The following ZP3 variants were observed in gnomAD, a reference collection of about 807,000 sequenced individuals.
ZP3 encodes zona pellucida sperm-binding protein 3.
In ZP3, 21 loss-of-function variants were observed where a neutral mutation model predicts 35.6. The observed-to-expected ratio is 0.59, with a 90% CI of 0.42 to 0.85. The LOEUF is 0.85. ZP3 is among the 40% of genes least tolerant of loss of function. The pLI is 0.00. For missense variants in ZP3, 437 were observed against 536.5 expected (o/e 0.81, Z 1.83); for synonymous variants, 207 against 214.5 (o/e 0.96, Z 0.31).
intron 2 of ZP3, among the ~76,000 whole-genome samples, chr7:76,431,297 C>A (rs73363150): frequency 0.041 from 6,299 of 152,136 alleles, 389 homozygotes; most frequent in African/African-American, 0.14. Flanking sequence ...GTCCTGTGAC[C>A]GTGGAAGTCT....
upstream of ZP3, among the ~76,000 whole-genome samples, chr7:76,423,025 G>GAGAGAGAGAGAGAGAGAAAGAA (rs1278384225): frequency 1.3e-5 from 1 of 75,842 alleles, no homozygotes; most frequent in East Asian, 3.5e-4. Context: ...GAGAGAGAGA[G>GAGAGAGAGAGAGAGAGAAAGAA]AGAAAGAAAG....
chr7:76,419,726 T>TCC (rs1805461784), intron 1 of ZP3, among the ~76,000 whole-genome samples: 2 of 147,404 alleles, frequency 1.4e-5, no homozygotes, highest in South Asian at 4.5e-4. Context: ...CCTCTCCCTC[T>TCC]ATCTCTTTCT....
chr7:76,426,479 C>G (rs1394943776), intron 1 of ZP3, among the ~76,000 whole-genome samples: 1 of 152,180 alleles, frequency 6.6e-6, no homozygotes, highest in Non-Finnish European at 1.5e-5. Flanking sequence ...AGCCCTCCGG[C>G]CAGAGCTCTG....
At chr7:76,405,770 G>A (rs1413350774) in intron 1 of ZP3, among the ~76,000 whole-genome samples, 1 of 152,048 alleles carries the variant, frequency 6.6e-6, no homozygotes, top group Non-Finnish European at 1.5e-5. Context: ...GATGTGTGAA[G>A]AGGGCAAATG....
intron 1 of ZP3, among the ~76,000 whole-genome samples, chr7:76,414,001 T>C (rs1261488539): frequency 6.8e-6 from 1 of 146,770 alleles, no homozygotes; most frequent in African/African-American, 2.5e-5. Flanking sequence ...TCTTCTTCTT[T>C]TTTTTTTTTT....
At chr7:76,401,180 A>C in intron 1 of ZP3, 1 of 1,246,286 alleles carries the variant, frequency 8.0e-7, no homozygotes, top group Admixed American at 3.1e-5. Context: ...GCTTTGCCAA[A>C]GCCCCATTGT....
intron 1 of ZP3, among the ~76,000 whole-genome samples, chr7:76,401,614 G>GC (rs1325523981): frequency 6.6e-6 from 1 of 151,978 alleles, no homozygotes; most frequent in Non-Finnish European, 1.5e-5. Flanking sequence ...ATGGGGTTTC[G>GC]CCATGTTGGC....
At chr7:76,406,977 TG>T (rs1419265923) in intron 1 of ZP3, among the ~76,000 whole-genome samples, 1 of 152,110 alleles carries the variant, frequency 6.6e-6, no homozygotes, top group Non-Finnish European at 1.5e-5. Context: ...TATTTATTTT[TG>T]GAGACAGAGC....
chr7:76,427,606 C>T (rs967014920), intron 1 of ZP3, among the ~76,000 whole-genome samples: 1 of 152,012 alleles, frequency 6.6e-6, no homozygotes, highest in Non-Finnish European at 1.5e-5. Flanking sequence ...AATGGAATGC[C>T]CTCTTGCCCT....
At chr7:76,438,605 TG>T (rs952783029) in intron 5 of ZP3, among the ~76,000 whole-genome samples, 4 of 99,858 alleles carry the variant, frequency 4.0e-5, no homozygotes. Context: ...CCCTGGGTGG[TG>T]GGGGGTCTTT....
chr7:76,418,815 C>T (rs1216674990), intron 1 of ZP3, among the ~76,000 whole-genome samples: 1 of 152,136 alleles, frequency 6.6e-6, no homozygotes, highest in Non-Finnish European at 1.5e-5. Context: ...GAGATCGCGC[C>T]ACTGCACTCC....
intron 1 of ZP3, among the ~76,000 whole-genome samples, chr7:76,425,738 G>A (rs1044422701): frequency 6.6e-6 from 1 of 152,110 alleles, no homozygotes; most frequent in Non-Finnish European, 1.5e-5. Context: ...GCCAAGACTG[G>A]AGGATCACTT....
chr7:76,435,574 G>A (rs1244963048), intron 5 of ZP3, among the ~76,000 whole-genome samples: 1 of 152,262 alleles, frequency 6.6e-6, no homozygotes, highest in Non-Finnish European at 1.5e-5. Flanking sequence ...ATCATCTGGA[G>A]AGGTTGTAAA....
intron 1 of ZP3, among the ~76,000 whole-genome samples, chr7:76,426,298 CG>C (rs1315733568): frequency 6.6e-6 from 1 of 152,196 alleles, no homozygotes; most frequent in Non-Finnish European, 1.5e-5. Flanking sequence ...AGAGGCCTTA[CG>C]GCAGGGCAGG....
At chr7:76,432,296 C>T (rs899656224) in intron 2 of ZP3, among the ~76,000 whole-genome samples, 5 of 151,986 alleles carry the variant, frequency 3.3e-5, no homozygotes, top group Admixed American at 2.0e-4. Context: ...TCACGCCATT[C>T]TCCTGCCTCA....
intron 1 of ZP3, among the ~76,000 whole-genome samples, chr7:76,416,980 G>A (rs1448300904): frequency 1.5e-5 from 2 of 133,666 alleles, no homozygotes; most frequent in East Asian, 2.1e-4. Context: ...ATATAATTTG[G>A]CATTTAATGA....
intron 1 of ZP3, among the ~76,000 whole-genome samples, chr7:76,403,809 G>A (rs1279972073): frequency 3.3e-5 from 5 of 151,554 alleles, no homozygotes; most frequent in East Asian, 2.0e-4. Flanking sequence ...TTACAGGTGC[G>A]TGCTGCCAAG....
rs146357632 is a variant in ZP3, at chr7:76,408,042, G to T, written c.-67+10245G>T. ...TTGGTGTTGGGGGTCAGGGAGCTAG[G>T]AGCATCCATTTGGCTCCCAGCCACC... On this transcript the variant is annotated intron_variant, in intron 1 of 8. Coordinates refer to the ZP3 transcript ENST00000336517. Among the ~76,000 whole-genome samples the T allele has an allele frequency of 3.6e-4, 55 of 152,298 alleles. 1 individual carries two copies. The highest frequency in any genetic ancestry group is 1.2e-3 in the African/African-American group (51 of 41,566).
chr7:76,433,124 T>TTTGGTTTTGGTTTTGG lies in ZP3; in HGVS notation c.535+106_535+107insTTGGTTGGTTTTGGTT, dbSNP rs764043807. ...TGTGTCTTTTTTTTGTTTGTTTGGT[T>TTTGGTTTTGGTTTTGG]TTGGTTTTGGTTGGTTTTGGTTGGT... On this transcript the variant is annotated intron_variant, in intron 3 of 7. Transcript: ENST00000394857. 4.4e-3 allele frequency: 2,974 copies of TTTGGTTTTGGTTTTGG among 673,544 alleles called. 18 individuals are homozygous for TTTGGTTTTGGTTTTGG. The highest frequency in any genetic ancestry group is 9.9e-3 in the Middle Eastern group (29 of 2,936). 41.7% of individuals were successfully genotyped at this position (673,544 alleles called of 1,614,324 possible). A position where few individuals can be genotyped will look rare whatever the true frequency, so the allele number is the denominator to read the frequency against.
Sources: gnomAD v4.1 joint callset for allele counts (sites outside exome capture counted in the v4.1 genomes callset) on GRCh38, gnomAD v4.1.1 for gene constraint, MANE v1.5 for transcripts, NCBI Gene and HGNC (gene_info 2026-07-23, HGNC 2026-07-21) for gene names.